The following ZEB2 variants were observed in gnomAD, a reference collection of about 807,000 sequenced individuals.
The protein encoded by ZEB2 is zinc finger E-box-binding homeobox 2.
A neutral mutation model predicts 99.9 loss-of-function variants in ZEB2; 6 were observed. That is an observed-to-expected ratio of 0.06 (90% CI 0.03 to 0.12). ZEB2 has a LOEUF of 0.12. ZEB2 is among the 10% of genes least tolerant of loss of function. ZEB2 has a pLI of 1.00. For missense variants in ZEB2, 969 were observed against 1,502.8 expected (o/e 0.64, Z 5.87); for synonymous variants, 517 against 542.5 (o/e 0.95, Z 0.65).
chr2:144,511,968 T>C (rs1705045716), intron 2 of ZEB2: 1 of 1,287,148 alleles, frequency 7.8e-7, no homozygotes, highest in South Asian at 1.2e-5. Flanking sequence ...CTAGTGTTTC[T>C]GCATCACAGA....
At chr2:144,417,927 A>G (rs939953889) in intron 4 of ZEB2, among the ~76,000 whole-genome samples, 1 of 152,198 alleles carries the variant, frequency 6.6e-6, no homozygotes, top group African/African-American at 2.4e-5. Flanking sequence ...TCAAAACATC[A>G]TGTTGCACCT....
intron 2 of ZEB2, among the ~76,000 whole-genome samples, chr2:144,477,541 A>G (rs4662223): frequency 0.78 from 118,886 of 152,206 alleles, 46,811 homozygotes; most frequent in Non-Finnish European, 0.83. Context: ...TGTAACAAAC[A>G]CCAGCTATAA....
intron 4 of ZEB2, chr2:144,405,463 G>A: frequency 4.7e-6 from 1 of 212,334 alleles, no homozygotes; most frequent in South Asian, 6.6e-5. Flanking sequence ...CCACTAGACT[G>A]AGCGTCCCTA....
In ZEB2 at chr2:144,472,734, T is replaced by TCTGCC. The variant is rs1704375415; in HGVS notation, c.74-42713_74-42709dup. On this transcript the variant is annotated intron_variant, in intron 2 of 9. Transcript: ENST00000627532. Reference sequence around the variant, plus strand: ...GGACTACCGAAAGAAAGTGTCAGAATCTGCCCTTGAGTGGTGTGTACCAGG... The same window carrying TCTGCC: ...GGACTACCGAAAGAAAGTGTCAGAATCTGCCCTGCCCTTGAGTGGTGTGTACCAGG... Among the ~76,000 whole-genome samples the TCTGCC allele has an allele frequency of 2.0e-5, 3 of 152,102 alleles. No homozygotes were observed. The South Asian group carries it at 6.2e-4, about 32-fold the overall frequency.
At chr2:144,496,043 G>A (rs749296196) in intron 2 of ZEB2, 2 of 152,250 alleles carry the variant, frequency 1.3e-5, no homozygotes, top group African/African-American at 2.4e-5. Flanking sequence ...AAAGATGTCC[G>A]ACCTGAATAA....
intron 2 of ZEB2, among the ~76,000 whole-genome samples, chr2:144,470,960 G>A (rs1704346930): frequency 6.6e-6 from 1 of 152,012 alleles, no homozygotes; most frequent in African/African-American, 2.4e-5. Context: ...TTTTCAAGTG[G>A]CAGAGTCATA....
In ZEB2 at chr2:144,404,723, G is replaced by A. The variant is rs976153980; in HGVS notation, c.592+113C>T. 3 of 1,322,588 alleles carry A rather than the reference G, an allele frequency of 2.3e-6. No individual in the cohort carries two copies. The Admixed American group carries it at 6.9e-5, about 31-fold the overall frequency. The allele number at this position is 1,322,588 out of a possible 1,614,324, so 81.9% of individuals were successfully genotyped here. ...CTAATCTTTGCTCATGAAATTCCAT[G>A]CCTCTGCAGCTGTTCTTCAAATTTT... On this transcript the variant is annotated intron_variant, in intron 5 of 9. Transcript: ENST00000627532.
At chr2:144,424,931 C>G in intron 3 of ZEB2, 64 bp from the exon 4 acceptor site, 1 of 1,522,900 alleles carries the variant, frequency 6.6e-7, no homozygotes, top group Non-Finnish European at 9.1e-7. Flanking sequence ...CTAAGCATGC[C>G]AAGCACAGGA....
At chr2:144,447,618 A>G (rs1704002840) in intron 2 of ZEB2, among the ~76,000 whole-genome samples, 2 of 152,216 alleles carry the variant, frequency 1.3e-5, no homozygotes, top group African/African-American at 4.8e-5. Context: ...TGAGCCATAA[A>G]AACTGTACCA....
At chr2:144,476,969 G>A (rs1180979770) in intron 2 of ZEB2, among the ~76,000 whole-genome samples, 4 of 152,138 alleles carry the variant, frequency 2.6e-5, no homozygotes, top group East Asian at 3.9e-4. Context: ...CATTCATGGG[G>A]CAATGAAACA....
At chr2:144,471,338 C>G (rs1183025526) in intron 2 of ZEB2, among the ~76,000 whole-genome samples, 1 of 151,954 alleles carries the variant, frequency 6.6e-6, no homozygotes, top group Non-Finnish European at 1.5e-5. Context: ...GATCAAACAC[C>G]TCAATGCAAC....
At chr2:144,457,087 A>G (rs1412918076) in intron 2 of ZEB2, among the ~76,000 whole-genome samples, 1 of 152,162 alleles carries the variant, frequency 6.6e-6, no homozygotes, top group Admixed American at 6.6e-5. Flanking sequence ...TAGACTTTCT[A>G]TAACGTCTAC....
rs1703058152 is a variant in ZEB2 at position 144,384,739 on chromosome 2, C to T, written c.*4712G>A. 1 of 151,918 alleles carries T rather than the reference C, an allele frequency of 6.6e-6. No individual in the cohort carries two copies. The highest frequency in any genetic ancestry group is 1.5e-5 in the Non-Finnish European group (1 of 67,968). 9.4% of individuals were successfully genotyped at this position (151,918 alleles called of 1,614,324 possible). ...ACAGCGAAGGTAACAAAGATTTAAA[C>T]AGCCAACATCACAAATGTCTCAAGT... On this transcript the variant is annotated 3_prime_UTR_variant, in exon 10 of 10. Coordinates refer to ENST00000627532, the MANE Select transcript of ZEB2 (RefSeq NM_014795.4).
At chr2:144,433,323 C>T (rs1450081045) in intron 2 of ZEB2, among the ~76,000 whole-genome samples, 1 of 152,202 alleles carries the variant, frequency 6.6e-6, no homozygotes, top group African/African-American at 2.4e-5. Flanking sequence ...TTCTGTGTAA[C>T]AGTTGCATTG....
At chr2:144,506,732 AG>A (rs1032780314) in intron 2 of ZEB2, among the ~76,000 whole-genome samples, 8 of 152,226 alleles carry the variant, frequency 5.3e-5, no homozygotes, top group African/African-American at 1.9e-4. Flanking sequence ...GATTTTATAT[AG>A]CACAATATTT....
At chr2:144,504,873 A>G (rs1264270153) in intron 2 of ZEB2, among the ~76,000 whole-genome samples, 1 of 152,206 alleles carries the variant, frequency 6.6e-6, no homozygotes, top group African/African-American at 2.4e-5. Context: ...CATTACTTTA[A>G]TTACCAGGGA....
At chr2:144,433,153 C>G (rs1703795515) in intron 2 of ZEB2, among the ~76,000 whole-genome samples, 1 of 152,094 alleles carries the variant, frequency 6.6e-6, no homozygotes, top group South Asian at 2.1e-4. Context: ...ATTCAATAAA[C>G]AAGAGGAAAG....
At chr2:144,510,135 T>C (rs898794350) in intron 2 of ZEB2, among the ~76,000 whole-genome samples, 14 of 150,976 alleles carry the variant, frequency 9.3e-5, no homozygotes, top group African/African-American at 3.1e-4. Context: ...TAAAATTCTT[T>C]TCAGAGAATT....
At chr2:144,432,773 T>A (rs921065321) in intron 2 of ZEB2, among the ~76,000 whole-genome samples, 1 of 152,176 alleles carries the variant, frequency 6.6e-6, no homozygotes, top group Non-Finnish European at 1.5e-5. Context: ...TGTTTTGATG[T>A]TTGCCCACCA....
Sources: gnomAD v4.1 joint callset for allele counts (sites outside exome capture counted in the v4.1 genomes callset) on GRCh38, gnomAD v4.1.1 for gene constraint, MANE v1.5 for transcripts, NCBI Gene and HGNC (gene_info 2026-07-23, HGNC 2026-07-21) for gene names.